Variants in CHL1 observed in about 807,000 individuals in gnomAD.
The protein encoded by CHL1 is cell adhesion molecule L1 like.
Under a neutral mutation model 141.9 loss-of-function variants are expected in CHL1, and 96 were observed. The observed-to-expected ratio is 0.68, with a 90% CI of 0.57 to 0.80. The LOEUF (loss-of-function observed/expected upper bound fraction) is 0.80, where lower values mean the gene tolerates loss of function less well. Among genes scored for constraint, CHL1 ranks in the 30% least tolerant of loss-of-function variants. CHL1 has a pLI of 0.00. For synonymous variants in CHL1, 613 were observed against 502.2 expected, an observed-to-expected ratio of 1.22 and a Z score of -2.95; for missense variants, 1,820 against 1,457.2, an observed-to-expected ratio of 1.25 and a Z score of -4.05.
intron 2 of CHL1, among the ~76,000 whole-genome samples, chr3:318,887 GA>G (rs1700337407): frequency 6.6e-6 from 1 of 151,338 alleles, no homozygotes; most frequent in African/African-American, 2.4e-5. Flanking sequence ...GAGTAAAAAA[GA>G]ACCACTTTTT....
At chr3:250,434 G>A (rs1309758319) in intron 2 of CHL1, among the ~76,000 whole-genome samples, 1 of 152,124 alleles carries the variant, frequency 6.6e-6, no homozygotes, top group African/African-American at 2.4e-5. Flanking sequence ...ATTGTGAGAA[G>A]TTAAGTATAT....
In CHL1 at chr3:401,463, A is replaced by C. The variant is rs149698074; in HGVS notation, c.3386-163A>C. 1.8e-3 allele frequency among the ~76,000 whole-genome samples: 267 copies of C among 152,322 alleles called. 2 individuals carry two copies. The highest frequency in any genetic ancestry group is 6.0e-3 in the African/African-American group (249 of 41,574). Reference sequence around the variant, plus strand: ...CTCTTTTTTGTTTAAACAAAGAAGCAACTGATGGGCTGTAGGTATAGCCAG... The same window carrying C: ...CTCTTTTTTGTTTAAACAAAGAAGCCACTGATGGGCTGTAGGTATAGCCAG... On this transcript the variant is annotated intron_variant, in intron 26 of 27. Coordinates refer to ENST00000256509, the MANE Select transcript of CHL1 (RefSeq NM_006614.4).
intron 23 of CHL1, among the ~76,000 whole-genome samples, chr3:394,070 G>T (rs1353785670): frequency 6.6e-6 from 1 of 152,050 alleles, no homozygotes; most frequent in Non-Finnish European, 1.5e-5. Flanking sequence ...TCATGTCTTT[G>T]CTGGGTTCCA....
At chr3:385,528 T>C (rs1707581720) in intron 19 of CHL1, among the ~76,000 whole-genome samples, 1 of 152,172 alleles carries the variant, frequency 6.6e-6, no homozygotes, top group South Asian at 2.1e-4. Context: ...AGAATGGGAC[T>C]GTACTAAGAA....
At chr3:336,044 T>C (rs1701836750) in intron 5 of CHL1, among the ~76,000 whole-genome samples, 1 of 152,218 alleles carries the variant, frequency 6.6e-6, no homozygotes, top group African/African-American at 2.4e-5. Flanking sequence ...TTCCCACTTA[T>C]GAATGACGAC....
chr3:319,782 G>T lies in CHL1; in HGVS notation c.6G>T (p.Glu2Asp). M[E>D]PLLLGRGLIV... ...TGTCTTCTTCCTGAAGAGCAATGGA[G>T]CCGCTTTTACTTGGAAGAGGACTAA... Residue 2 changes from glutamate to aspartate, a missense_variant, in exon 3 of 28, where the codon GAG (glutamate) becomes GAT (aspartate). Coordinates refer to ENST00000256509, the MANE Select transcript of CHL1 (RefSeq NM_006614.4). 1 of 1,604,218 alleles carries T rather than the reference G, an allele frequency of 6.2e-7. No homozygotes were observed. Among genetic ancestry groups the T allele is most frequent in the Non-Finnish European group, 8.5e-7 (1 of 1,173,428 alleles).
At chr3:233,373 C>G (rs976230235) in intron 1 of CHL1, among the ~76,000 whole-genome samples, 1 of 152,112 alleles carries the variant, frequency 6.6e-6, no homozygotes, top group African/African-American at 2.4e-5. Context: ...AGCCCCCAAC[C>G]CCAACAGGAA....
At chr3:357,938 G>C (rs965454520) in intron 11 of CHL1, among the ~76,000 whole-genome samples, 3 of 152,158 alleles carry the variant, frequency 2.0e-5, no homozygotes, top group East Asian at 1.9e-4. Context: ...AGTGGGATTA[G>C]AGACTCAGTG....
chr3:371,317 A>G (rs569515402), intron 15 of CHL1, among the ~76,000 whole-genome samples: 107 of 152,304 alleles, frequency 7.0e-4, no homozygotes, highest in African/African-American at 2.5e-3. Context: ...TATTTAGAAT[A>G]GTTAACTCTT....
intron 6 of CHL1, 52 bp from the exon 7 acceptor site, chr3:341,860 A>G (rs1575114505): frequency 1.8e-5 from 25 of 1,364,674 alleles, no homozygotes; most frequent in Non-Finnish European, 2.3e-5. Context: ...AAGGAAGATG[A>G]AGCACAGTAA....
At chr3:290,958 G>A (rs1305969387) in intron 2 of CHL1, among the ~76,000 whole-genome samples, 3 of 149,850 alleles carry the variant, frequency 2.0e-5, no homozygotes, top group East Asian at 3.9e-4. Flanking sequence ...AAGAAAGAAA[G>A]AAAAAGAAAA....
At chr3:328,108 A>G (rs557790667) in intron 4 of CHL1, 59 bp from the exon 5 acceptor site, 351 of 1,303,160 alleles carry the variant, frequency 2.7e-4, no homozygotes, top group Non-Finnish European at 3.4e-4. Context: ...ATTGTTAATA[A>G]GTACTCTAAA....
At chr3:288,431 A>T (rs1009403278) in intron 2 of CHL1, among the ~76,000 whole-genome samples, 2 of 152,156 alleles carry the variant, frequency 1.3e-5, no homozygotes, top group African/African-American at 4.8e-5. Context: ...TTTGCTACTA[A>T]TGTACAATAT....
chr3:360,669 C>A (rs1418928159), intron 12 of CHL1, among the ~76,000 whole-genome samples: 1 of 150,210 alleles, frequency 6.7e-6, no homozygotes, highest in Non-Finnish European at 1.5e-5. Flanking sequence ...ATACATGTGC[C>A]ATGCTGGTGC....
intron 2 of CHL1, among the ~76,000 whole-genome samples, chr3:306,572 T>G (rs1699245112): frequency 6.6e-6 from 1 of 152,184 alleles, no homozygotes; most frequent in South Asian, 2.1e-4. Flanking sequence ...ACTACAGATT[T>G]TAGAGGAAAA....
intron 10 of CHL1, among the ~76,000 whole-genome samples, chr3:350,118 A>T (rs1703117847): frequency 6.6e-6 from 1 of 152,198 alleles, no homozygotes; most frequent in African/African-American, 2.4e-5. Context: ...AAAAGAATAG[A>T]CTGTATGCTA....
chr3:300,134 G>C (rs1698593626), intron 2 of CHL1, among the ~76,000 whole-genome samples: 1 of 152,180 alleles, frequency 6.6e-6, no homozygotes, highest in Non-Finnish European at 1.5e-5. Context: ...GAAGAATCTG[G>C]AGTGGCAAAC....
At chr3:390,005 G>A (rs1575267676) in intron 20 of CHL1, among the ~76,000 whole-genome samples, 1 of 152,282 alleles carries the variant, frequency 6.6e-6, no homozygotes, top group East Asian at 1.9e-4. Flanking sequence ...ACTGCATTCT[G>A]TATTGCTAAT....
At chr3:209,527 A>G (rs1352835984) in intron 1 of CHL1, among the ~76,000 whole-genome samples, 1 of 152,234 alleles carries the variant, frequency 6.6e-6, no homozygotes, top group Admixed American at 6.5e-5. Flanking sequence ...TAGTTGTTCA[A>G]TAATGTTAAA....
Sources: allele counts gnomAD v4.1 joint callset (sites outside exome capture counted in the v4.1 genomes callset), GRCh38; gene constraint gnomAD v4.1.1; transcripts MANE v1.5; gene names NCBI Gene and HGNC (gene_info 2026-07-23, HGNC 2026-07-21).